Variants in PHLDB2 observed in about 807,000 individuals in gnomAD.
PHLDB2 encodes the protein pleckstrin homology-like domain family B member 2.
A neutral mutation model predicts 123.6 loss-of-function variants in PHLDB2; 71 were observed. The observed-to-expected ratio is 0.57, with a 90% CI of 0.47 to 0.70. The LOEUF (loss-of-function observed/expected upper bound fraction) is 0.70. PHLDB2 is among the 30% of genes least tolerant of loss of function. PHLDB2 has a pLI of 0.00. For synonymous variants in PHLDB2, 547 were observed against 541.6 expected (o/e 1.01, Z -0.14); for missense variants, 1,446 against 1,519.5 (o/e 0.95, Z 0.80).
intron 12 of PHLDB2, among the ~76,000 whole-genome samples, chr3:111,955,606 C>A (rs1297706351): frequency 2.6e-5 from 4 of 152,028 alleles, no homozygotes; most frequent in African/African-American, 9.7e-5. Context: ...TGTGTGCTAC[C>A]ACACCTGGCT....
intron 1 of PHLDB2, among the ~76,000 whole-genome samples, chr3:111,836,240 G>C (rs1404415105): frequency 6.6e-6 from 1 of 152,180 alleles, no homozygotes; most frequent in East Asian, 1.9e-4. Flanking sequence ...GTTCACTGAA[G>C]TTATGAGCCA....
intron 1 of PHLDB2, among the ~76,000 whole-genome samples, chr3:111,819,520 A>G (rs941755372): frequency 3.3e-5 from 5 of 152,336 alleles, no homozygotes; most frequent in African/African-American, 1.2e-4. Flanking sequence ...CCTGGGGGAC[A>G]ATGAGTACAG....
chr3:111,962,946 A>AAAAAAAAAAAAAAAAAAAAAAAAG, intron 13 of PHLDB2, among the ~76,000 whole-genome samples: 1 of 143,546 alleles, frequency 7.0e-6, no homozygotes, highest in Non-Finnish European at 1.5e-5. Context: ...AAAAAAAAAA[A>AAAAAAAAAAAAAAAAAAAAAAAAG]AAAGAAAGAA....
chr3:111,848,038 G>C (rs770882211), intron 2 of PHLDB2, among the ~76,000 whole-genome samples: 4 of 152,058 alleles, frequency 2.6e-5, no homozygotes, highest in Non-Finnish European at 4.4e-5. Context: ...GACATGTTAC[G>C]TCTGCTGTGC....
chr3:111,823,583 C>T (rs2062509289), intron 1 of PHLDB2, among the ~76,000 whole-genome samples: 1 of 152,158 alleles, frequency 6.6e-6, no homozygotes. Flanking sequence ...TCTACACTGA[C>T]CAAATAGTTT....
At chr3:111,885,613 C>A (rs1284312909) in intron 2 of PHLDB2, 1 of 751,806 alleles carries the variant, frequency 1.3e-6, no homozygotes, top group Non-Finnish European at 2.3e-6. Context: ...ATCTTGAAGG[C>A]CTCCAGGAAT....
intron 1 of PHLDB2, among the ~76,000 whole-genome samples, chr3:111,779,682 C>T (rs572153615): frequency 3.9e-5 from 6 of 152,154 alleles, no homozygotes; most frequent in East Asian, 1.9e-4. Context: ...GCACTGGGCC[C>T]TTGATGGGCA....
At chr3:111,765,013 C>G (rs533637164) in intron 1 of PHLDB2, among the ~76,000 whole-genome samples, 1 of 152,306 alleles carries the variant, frequency 6.6e-6, no homozygotes, top group Non-Finnish European at 1.5e-5. Context: ...ATCGGGTCCA[C>G]CCTCTCCAGT....
At chr3:111,914,535 C>T (rs1360002036) in intron 3 of PHLDB2, 1 of 152,070 alleles carries the variant, frequency 6.6e-6, no homozygotes, top group Non-Finnish European at 1.5e-5. Flanking sequence ...ATTTGCTTTT[C>T]TTTAATTATA....
At chr3:111,901,947 T>G (rs1159638090) in intron 2 of PHLDB2, among the ~76,000 whole-genome samples, 1 of 152,242 alleles carries the variant, frequency 6.6e-6, no homozygotes, top group Admixed American at 6.5e-5. Flanking sequence ...TACACTGTTT[T>G]CTCCTTTGAA....
chr3:111,865,146 A>T (rs1446238158), intron 1 of PHLDB2, among the ~76,000 whole-genome samples: 2 of 152,226 alleles, frequency 1.3e-5, no homozygotes, highest in African/African-American at 4.8e-5. Flanking sequence ...GAGGGGATTG[A>T]GAAGTGATGT....
At chr3:111,933,082 GC>G (rs1335962668) in intron 6 of PHLDB2, among the ~76,000 whole-genome samples, 18 of 152,302 alleles carry the variant, frequency 1.2e-4, no homozygotes, top group African/African-American at 4.3e-4. Context: ...TCTTCTGAAA[GC>G]AAGACTTCCT....
chr3:111,866,345 G>A (rs973115431), intron 1 of PHLDB2, among the ~76,000 whole-genome samples: 5 of 152,002 alleles, frequency 3.3e-5, no homozygotes, highest in South Asian at 2.1e-4. Flanking sequence ...GATGTAAAGC[G>A]AAATGCATTA....
At chr3:111,778,282 A>C (rs1165697323) in intron 1 of PHLDB2, 1 of 152,062 alleles carries the variant, frequency 6.6e-6, no homozygotes, top group Non-Finnish European at 1.5e-5. Flanking sequence ...ATGTGGACAC[A>C]AGCACATGAA....
intron 5 of PHLDB2, among the ~76,000 whole-genome samples, chr3:111,929,860 T>G (rs948200158): frequency 1.3e-5 from 2 of 152,034 alleles, no homozygotes; most frequent in Non-Finnish European, 2.9e-5. Context: ...CTTGTATGAA[T>G]TGCAAAACCT....
intron 1 of PHLDB2, among the ~76,000 whole-genome samples, chr3:111,828,723 T>C (rs771392319): frequency 6.6e-6 from 1 of 152,060 alleles, no homozygotes; most frequent in Non-Finnish European, 1.5e-5. Flanking sequence ...GAGGATGCAG[T>C]GACTAGCCAA....
At chr3:111,769,567 A>C (rs2108042322) in intron 1 of PHLDB2, among the ~76,000 whole-genome samples, 1 of 152,336 alleles carries the variant, frequency 6.6e-6, no homozygotes, top group Admixed American at 6.5e-5. Context: ...ACAGCATACG[A>C]CTACAGTGCT....
At chr3:111,870,727 A>G (rs2065295620) in intron 1 of PHLDB2, among the ~76,000 whole-genome samples, 2 of 152,152 alleles carry the variant, frequency 1.3e-5, no homozygotes, top group South Asian at 4.1e-4. Flanking sequence ...CCTGTAAAGA[A>G]TGGCACTGCT....
chr3:111,902,905 T>A (rs2067281477), intron 2 of PHLDB2, among the ~76,000 whole-genome samples: 1 of 152,270 alleles, frequency 6.6e-6, no homozygotes, highest in Non-Finnish European at 1.5e-5. Context: ...CCCAAAGTGC[T>A]GGGATTATCG....
Sources: allele counts gnomAD v4.1 joint callset (sites outside exome capture counted in the v4.1 genomes callset), GRCh38; gene constraint gnomAD v4.1.1; transcripts MANE v1.5; gene names NCBI Gene and HGNC (gene_info 2026-07-23, HGNC 2026-07-21).